The following EPHB1 variants were observed in gnomAD, a reference collection of about 807,000 sequenced individuals.
The protein encoded by EPHB1 is EPH receptor B1, also known as ephrin type-B receptor 1.
A neutral mutation model predicts 94.4 loss-of-function variants in EPHB1; 30 were observed. That is an observed-to-expected ratio of 0.32 (90% confidence interval 0.24 to 0.43). The LOEUF is 0.43. Among genes scored for constraint, EPHB1 ranks in the 20% least tolerant of loss-of-function variants. The probability of loss-of-function intolerance (pLI) is 1.00; values close to 1 mark genes in which losing one functional copy is unlikely to be tolerated. For missense variants in EPHB1, 1,055 were observed against 1,308.3 expected, an observed-to-expected ratio of 0.81 and a Z score of 2.99; for synonymous variants, 522 against 489.1, an observed-to-expected ratio of 1.07 and a Z score of -0.89.
At chr3:135,054,040 T>TATACACAC (rs377064799) in intron 3 of EPHB1, among the ~76,000 whole-genome samples, 60 of 139,870 alleles carry the variant, frequency 4.3e-4, no homozygotes, top group South Asian at 2.4e-3. Context: ...TATATATATA[T>TATACACAC]ACACACACAC....
chr3:134,889,636 CT>C (rs141526056), intron 1 of EPHB1, among the ~76,000 whole-genome samples: 9,524 of 151,792 alleles, frequency 0.063, 331 homozygotes, highest in South Asian at 0.15. Flanking sequence ...TCTTACAGCT[CT>C]TTTTTTTGAA....
At chr3:135,180,022 C>T (rs756864871) in intron 10 of EPHB1, 40 bp downstream of exon 10, 7 of 1,611,044 alleles carry the variant, frequency 4.3e-6, no homozygotes, top group Non-Finnish European at 3.4e-6. Context: ...CTCCTGGTGT[C>T]CAAACATCTT....
At chr3:134,877,695 G>A (rs916097234) in intron 1 of EPHB1, among the ~76,000 whole-genome samples, 2 of 152,168 alleles carry the variant, frequency 1.3e-5, no homozygotes, top group Admixed American at 1.3e-4. Flanking sequence ...CCCTCTCACT[G>A]CATGTGCTTT....
Position 135,154,224 on chromosome 3 carries a change from C to A in EPHB1, c.1370C>A (p.Pro457Gln), listed in dbSNP as rs762457030. ...MRSITLSWPQ[P>Q]EQPNGIILDY... ...AGCATCACCTTGTCATGGCCACAGCCGGAGCAGCCCAATGGCATCATCCTG... is the reference window on the plus strand; with the variant it reads ...AGCATCACCTTGTCATGGCCACAGCAGGAGCAGCCCAATGGCATCATCCTG... Residue 457 changes from proline to glutamine, a missense_variant, in exon 6 of 16, where the codon CCG becomes CAG. Pro to Gln is a moderately conservative substitution (Grantham distance 76). Transcript: ENST00000398015. 6.2e-7 allele frequency: 1 copy of A among 1,614,028 alleles called. No homozygotes were observed. The highest frequency in any genetic ancestry group is 8.5e-7 in the Non-Finnish European group (1 of 1,179,890).
intron 3 of EPHB1, among the ~76,000 whole-genome samples, chr3:135,041,463 G>T (rs998811063): frequency 2.6e-5 from 4 of 152,126 alleles, no homozygotes; most frequent in African/African-American, 9.7e-5. Flanking sequence ...CTACACTTGT[G>T]CAAAGAACCC....
intron 3 of EPHB1, among the ~76,000 whole-genome samples, chr3:135,022,406 A>G (rs1576323235): frequency 1.3e-5 from 2 of 152,304 alleles, no homozygotes; most frequent in African/African-American, 4.8e-5. Context: ...ACTAGACAGA[A>G]TTTTATATTT....
chr3:134,802,909 A>G (rs1217743840), intron 1 of EPHB1, among the ~76,000 whole-genome samples: 1 of 152,134 alleles, frequency 6.6e-6, no homozygotes, highest in African/African-American at 2.4e-5. Context: ...GCCCTTCACT[A>G]CACTATAATG....
chr3:135,194,457 C>A (rs565204427), intron 11 of EPHB1, among the ~76,000 whole-genome samples: 48 of 152,142 alleles, frequency 3.2e-4, no homozygotes, highest in Non-Finnish European at 6.6e-4. Context: ...AGGAATTTGC[C>A]AGACAAGCGA....
intron 6 of EPHB1, 153 bp downstream of exon 6, chr3:135,154,429 C>T (rs1941291136): frequency 9.3e-7 from 1 of 1,074,550 alleles, no homozygotes. Context: ...TTCTCCAGGT[C>T]TGCCCTGACA....
chr3:134,806,619 A>G (rs901742131), intron 1 of EPHB1, among the ~76,000 whole-genome samples: 1 of 152,174 alleles, frequency 6.6e-6, no homozygotes, highest in African/African-American at 2.4e-5. Context: ...AACTGAAAAT[A>G]TTTTAGGAGG....
At chr3:135,224,403 A>G (rs1943346429) in intron 12 of EPHB1, among the ~76,000 whole-genome samples, 1 of 152,174 alleles carries the variant, frequency 6.6e-6, no homozygotes, top group African/African-American at 2.4e-5. Context: ...TCTTGGCTAT[A>G]ATCCTACATA....
At chr3:135,126,696 A>G (rs1000831757) in intron 4 of EPHB1, among the ~76,000 whole-genome samples, 1 of 152,168 alleles carries the variant, frequency 6.6e-6, no homozygotes, top group Non-Finnish European at 1.5e-5. Context: ...ATCATCTCTG[A>G]ATCTATTGAT....
intron 6 of EPHB1, among the ~76,000 whole-genome samples, chr3:135,155,185 A>G (rs370582115): frequency 4.8e-4 from 73 of 152,322 alleles, no homozygotes; most frequent in African/African-American, 1.7e-3. Context: ...AATCAACAGC[A>G]TAGAGGAAAA....
At chr3:134,849,282 A>G (rs2036933370) in intron 1 of EPHB1, among the ~76,000 whole-genome samples, 1 of 152,214 alleles carries the variant, frequency 6.6e-6, no homozygotes, top group Non-Finnish European at 1.5e-5. Flanking sequence ...ATTCTGAACA[A>G]GTTCCCAGGT....
chr3:135,214,027 A>C (rs1002149979), intron 12 of EPHB1, among the ~76,000 whole-genome samples: 2 of 151,726 alleles, frequency 1.3e-5, no homozygotes, highest in African/African-American at 4.8e-5. Context: ...TCTTGTCTCA[A>C]ACTCCCGGTT....
chr3:135,222,591 G>A (rs1016505678), intron 12 of EPHB1, among the ~76,000 whole-genome samples: 3 of 152,184 alleles, frequency 2.0e-5, no homozygotes, highest in Non-Finnish European at 4.4e-5. Context: ...GGTTTCCAGA[G>A]CCACTGTGTT....
At chr3:134,914,485 A>T (rs1452404317) in intron 1 of EPHB1, among the ~76,000 whole-genome samples, 1 of 152,144 alleles carries the variant, frequency 6.6e-6, no homozygotes, top group Admixed American at 6.5e-5. Flanking sequence ...CTCACACCCA[A>T]GGCTATCAGA....
intron 9 of EPHB1, among the ~76,000 whole-genome samples, chr3:135,172,971 G>A (rs1941847838): frequency 6.6e-6 from 1 of 151,972 alleles, no homozygotes; most frequent in Non-Finnish European, 1.5e-5. Flanking sequence ...GGAAGGACCA[G>A]CCTGTCCCCG....
chr3:135,008,817 A>G (rs1935517922), intron 3 of EPHB1, among the ~76,000 whole-genome samples: 1 of 152,224 alleles, frequency 6.6e-6, no homozygotes. Flanking sequence ...TATTTGCTCC[A>G]TCTTTGGAAA....
Sources: gnomAD v4.1 joint callset for allele counts (sites outside exome capture counted in the v4.1 genomes callset) on GRCh38, gnomAD v4.1.1 for gene constraint, MANE v1.5 for transcripts, NCBI Gene and HGNC (gene_info 2026-07-23, HGNC 2026-07-21) for gene names.